The following BEAN1 variants were observed in gnomAD, a reference collection of about 807,000 sequenced individuals.
BEAN1 encodes brain expressed associated with NEDD4 1, also known as protein BEAN1.
A neutral mutation model predicts 17.7 loss-of-function variants in BEAN1; 17 were observed. That is an observed-to-expected ratio of 0.96 (90% CI 0.66 to 1.44). The LOEUF (loss-of-function observed/expected upper bound fraction) is 1.44, where lower values mean the gene tolerates loss of function less well. Ranked by LOEUF, BEAN1 falls within the 40% of genes most tolerant of loss-of-function variation. The probability of loss-of-function intolerance (pLI) is 0.00; values close to 1 mark genes in which losing one functional copy is unlikely to be tolerated. For synonymous variants in BEAN1, 142 were observed against 151.8 expected (o/e 0.94, Z 0.47); for missense variants, 359 against 374.1 (o/e 0.96, Z 0.33).
intron 1 of BEAN1, among the ~76,000 whole-genome samples, chr16:66,436,210 C>T (rs1962008362): frequency 6.6e-6 from 1 of 151,730 alleles, no homozygotes; most frequent in African/African-American, 2.4e-5. Context: ...CCTTGGGAGA[C>T]ATGAACCAAT....
intron 2 of BEAN1, among the ~76,000 whole-genome samples, chr16:66,465,699 A>C (rs147739256): frequency 6.6e-6 from 1 of 152,210 alleles, no homozygotes; most frequent in Non-Finnish European, 1.5e-5. Flanking sequence ...CAATGAAGCT[A>C]TCTGGTCCTG....
At chr16:66,438,384 A>T (rs1292588154) in intron 2 of BEAN1, among the ~76,000 whole-genome samples, 1 of 152,120 alleles carries the variant, frequency 6.6e-6, no homozygotes, top group Admixed American at 6.5e-5. Flanking sequence ...ACTCTGTCTC[A>T]GAAAACAAAT....
chr16:66,429,618 G>A (rs2142366359), intron 1 of BEAN1, among the ~76,000 whole-genome samples: 1 of 152,238 alleles, frequency 6.6e-6, no homozygotes. Context: ...ATGGTGCCAG[G>A]GTACACCTGG....
chr16:66,495,220 C>A (rs931964792), downstream of BEAN1, among the ~76,000 whole-genome samples: 7 of 152,186 alleles, frequency 4.6e-5, no homozygotes, highest in Non-Finnish European at 1.0e-4. Context: ...AGACACAAAT[C>A]AGGAAGCAGT....
At chr16:66,448,229 T>G (rs202033797) in intron 2 of BEAN1, among the ~76,000 whole-genome samples, 25 of 151,420 alleles carry the variant, frequency 1.7e-4, no homozygotes, top group Non-Finnish European at 2.5e-4. Context: ...GTTGTTGTTG[T>G]TTGTTGTTGT....
Position 66,443,626 on chromosome 16 carries a change from A to G in BEAN1, c.25+5925A>G, listed in dbSNP as rs1476181684. ...CTGGTCTAGCACAAAGTCTGACCCT[A>G]GTGAGTACTCGGCATTTGATAGCTC... On this transcript the variant is annotated intron_variant, in intron 2 of 4. Transcript: ENST00000536005. 1.3e-4 allele frequency among the ~76,000 whole-genome samples: 20 copies of G among 152,126 alleles called. 1 individual carries two copies. Among genetic ancestry groups the G allele is most frequent in the Admixed American group, 1.2e-3 (19 of 15,266 alleles).
intron 2 of BEAN1, among the ~76,000 whole-genome samples, chr16:66,462,905 A>G (rs1308921614): frequency 2.0e-5 from 3 of 152,202 alleles, no homozygotes; most frequent in Non-Finnish European, 4.4e-5. Flanking sequence ...AAACAAGTAA[A>G]CAAATAAATA....
intron 4 of BEAN1, 168 bp downstream of exon 4, chr16:66,477,878 C>A (rs996140918): frequency 1.5e-6 from 1 of 677,998 alleles, no homozygotes; most frequent in Non-Finnish European, 2.2e-6. Context: ...CAAGTAGGTC[C>A]CACTGAGGCA....
rs1963999527 is a variant in BEAN1, at chr16:66,481,925, C to G, written c.*1000C>G. 1.3e-5 allele frequency: 2 copies of G among 152,718 alleles called. No individual in the cohort carries two copies. The highest frequency in any genetic ancestry group is 4.8e-5 in the African/African-American group (2 of 41,474). The allele number at this position is 152,718 out of a possible 1,614,324, so 9.5% of individuals were successfully genotyped here. A position where few individuals can be genotyped will look rare whatever the true frequency, so the allele number is the denominator to read the frequency against. On this transcript the variant is annotated 3_prime_UTR_variant, in exon 5 of 5. Transcript: ENST00000536005. The surrounding 1 kb of genome is among the most constrained non-coding windows in gnomAD (Gnocchi z 4.1). ...TGTCCTTCTAGGTGGCTGCTCATAGCTGGGGATGGTGAGTGGCTGTGTTCT... is the reference window on the plus strand; with the variant it reads ...TGTCCTTCTAGGTGGCTGCTCATAGGTGGGGATGGTGAGTGGCTGTGTTCT...
At chr16:66,475,982 T>A (rs1489136731) in intron 3 of BEAN1, 2 of 151,124 alleles carry the variant, frequency 1.3e-5, no homozygotes, top group African/African-American at 2.4e-5. Context: ...TGGTGGCGGG[T>A]GCCTGTAGTC....
At chr16:66,450,916 GC>G (rs1236407588) in intron 2 of BEAN1, 1 of 152,162 alleles carries the variant, frequency 6.6e-6, no homozygotes, top group Non-Finnish European at 1.5e-5. Flanking sequence ...GCTGTGGCTT[GC>G]ATATTTTGAA....
rs551847092 is a variant in BEAN1 at position 66,469,830 on chromosome 16, G to A, written c.254G>A (p.Arg85His). The A allele has an allele frequency of 1.4e-5, 22 of 1,522,406 alleles. No individual in the cohort carries two copies. The highest frequency in any genetic ancestry group is 1.1e-4 in the African/African-American group (8 of 71,776). 94.3% of individuals were successfully genotyped at this position (1,522,406 alleles called of 1,614,324 possible). Reference sequence around the variant, plus strand: ...CACCACCACCACCATCATCACCACCGCCGGCGTCGACACCGAGAGTACGAG... The same window carrying A: ...CACCACCACCACCATCATCACCACCACCGGCGTCGACACCGAGAGTACGAG... ...HRHHHHHHHH[R>H]RRRHREYEHG... The change falls in exon 3 of 5, where the codon CGC becomes CAC. Residue 85 changes from arginine (R) to histidine (H), a missense_variant. Arg to His is a conservative substitution (Grantham distance 29). Coordinates refer to ENST00000536005, the MANE Select transcript of BEAN1 (RefSeq NM_001178020.3).
At chr16:66,490,464 A>AAATAAAATAAAATAAAATAAAAT (rs1289526958) in intron 4 of BEAN1, among the ~76,000 whole-genome samples, 7 of 123,218 alleles carry the variant, frequency 5.7e-5, no homozygotes, top group Admixed American at 1.5e-4. Flanking sequence ...TAATAAAATA[A>AAATAAAATAAAATAAAATAAAAT]AAAGAAACCT....
In BEAN1 at chr16:66,427,531, G is replaced by C. The variant is rs148637793; in HGVS notation, c.-83+100G>C. The C allele has an allele frequency of 6.6e-6, 1 of 151,000 alleles. No individual in the cohort carries two copies. The highest frequency in any genetic ancestry group is 1.5e-5 in the Non-Finnish European group (1 of 67,764). The allele number at this position is 151,000 out of a possible 1,614,324, so 9.4% of individuals were successfully genotyped here. On this transcript the variant is annotated intron_variant, in intron 1 of 4. Coordinates refer to ENST00000536005, the MANE Select transcript of BEAN1 (RefSeq NM_001178020.3). The surrounding 1 kb of genome is among the most constrained non-coding windows in gnomAD (Gnocchi z 4.7). ...GGTGGTACCGGCGAACGACACACCC[G>C]GGGGCGCGCCGCGCGGAGCCTCGGT...
At chr16:66,486,485 C>T (rs949963117), downstream of BEAN1, among the ~76,000 whole-genome samples, 1 of 152,168 alleles carries the variant, frequency 6.6e-6, no homozygotes, top group Non-Finnish European at 1.5e-5. Context: ...GAACTCCTGA[C>T]CTCAGGTGAT....
intron 1 of BEAN1, among the ~76,000 whole-genome samples, chr16:66,433,771 C>A (rs867761953): frequency 5.3e-5 from 8 of 152,340 alleles, no homozygotes; most frequent in Middle Eastern, 3.4e-3. Flanking sequence ...ATCCTGTGGC[C>A]TCTTTCACAA....
chr16:66,448,235 G>GTTT (rs1444021302), intron 2 of BEAN1, among the ~76,000 whole-genome samples: 1 of 151,706 alleles, frequency 6.6e-6, no homozygotes, highest in Non-Finnish European at 1.5e-5. Flanking sequence ...GTTGTTTGTT[G>GTTT]TTGTTTTTAG....
intron 4 of BEAN1, chr16:66,492,841 G>A (rs1964193525): frequency 8.2e-6 from 5 of 609,096 alleles, no homozygotes; most frequent in South Asian, 3.9e-5. Flanking sequence ...CCTCATCCAC[G>A]TGCTTCTCAG....
chr16:66,465,971 C>T (rs1170417974), intron 2 of BEAN1, among the ~76,000 whole-genome samples: 2 of 152,132 alleles, frequency 1.3e-5, no homozygotes, highest in African/African-American at 4.8e-5. Context: ...TGCCACCACA[C>T]CTGGCTAACT....
Sources: gnomAD v4.1 joint callset for allele counts (sites outside exome capture counted in the v4.1 genomes callset) on GRCh38, gnomAD v4.1.1 for gene constraint, Gnocchi (gnomAD v3.1) non-coding constraint, MANE v1.5 for transcripts, NCBI Gene and HGNC (gene_info 2026-07-23, HGNC 2026-07-21) for gene names.